The following PLXNA2 variants were observed in gnomAD, a reference collection of about 807,000 sequenced individuals.
PLXNA2 encodes the protein plexin A2.
Under a neutral mutation model 193.5 loss-of-function variants are expected in PLXNA2, and 91 were observed. The observed-to-expected ratio is 0.47, with a 90% CI of 0.40 to 0.56. The LOEUF (loss-of-function observed/expected upper bound fraction) is 0.56, where lower values mean the gene tolerates loss of function less well. Ranked by LOEUF, PLXNA2 falls within the 20% of genes least tolerant of loss-of-function variation. The pLI, the probability that PLXNA2 is intolerant of heterozygous loss-of-function variation, is 0.00. For synonymous variants in PLXNA2, 997 were observed against 1,027.3 expected (o/e 0.97, Z 0.56); for missense variants, 1,995 against 2,503.2 (o/e 0.80, Z 4.33).
chr1:208,149,535 G>A (rs1474080143), intron 3 of PLXNA2, among the ~76,000 whole-genome samples: 4 of 151,638 alleles, frequency 2.6e-5, no homozygotes, highest in African/African-American at 9.7e-5. Flanking sequence ...GTGTGTGTAT[G>A]CAGTATGTGT....
In PLXNA2 at chr1:208,043,098, G is replaced by A. The variant is rs995889959; in HGVS notation, c.3980C>T (p.Pro1327Leu). The A allele has an allele frequency of 4.3e-6, 7 of 1,613,938 alleles. No homozygotes were observed. Among genetic ancestry groups the A allele is most frequent in the African/African-American group, 1.3e-5 (1 of 74,934 alleles). Residue 1327 changes from proline to leucine, a missense_variant, in exon 21 of 32, where the codon CCG (proline) becomes CTG (leucine). Pro to Leu is a moderately conservative substitution (Grantham distance 98). Around this residue, in one of 3 missense-constraint regions of PLXNA2, gnomAD observed 1,291 missense variants for 1,673.6 expected, o/e 0.77. Transcript: ENST00000367033. ...YRTYAMRVLFPGIEDHPVLRE... is the reference protein window; with the variant it reads ...YRTYAMRVLFLGIEDHPVLRE... The stretch of plus-strand genomic sequence containing the variant: ...CAGGACGGGGTGGTCCTCGATGCCC[G>A]GGAACAGGACTCGCATAGCGTAGGT...
intron 12 of PLXNA2, among the ~76,000 whole-genome samples, chr1:208,062,385 C>T (rs898610874): frequency 2.0e-5 from 3 of 152,224 alleles, no homozygotes; most frequent in Non-Finnish European, 2.9e-5. Context: ...CAGCCACCAA[C>T]CACCAAGTGA....
intron 12 of PLXNA2, 76 bp downstream of exon 12, chr1:208,079,184 A>G: frequency 7.7e-7 from 1 of 1,300,458 alleles, no homozygotes; most frequent in Admixed American, 2.0e-5. Flanking sequence ...CAGAGTCTCA[A>G]TTTGCACTCC....
Position 208,027,007 on chromosome 1 carries a change from C to T in PLXNA2, c.*236G>A, listed in dbSNP as rs900571705. 2 of 438,008 alleles carry T rather than the reference C, an allele frequency of 4.6e-6. No homozygotes were observed. Among genetic ancestry groups the T allele is most frequent in the African/African-American group, 2.0e-5 (1 of 50,596 alleles). The allele number at this position is 438,008 out of a possible 1,614,324, so 27.1% of individuals were successfully genotyped here. ...TTGAAGAACCACCTTCTCCCGGCCC[C>T]GGGTTCTCTGGTGTTCTCACTGAGG... On this transcript the variant is annotated 3_prime_UTR_variant, in exon 32 of 32. Transcript: ENST00000367033.
chr1:208,208,373 C>T (rs146816981), intron 3 of PLXNA2, among the ~76,000 whole-genome samples: 40 of 152,310 alleles, frequency 2.6e-4, no homozygotes, highest in African/African-American at 7.5e-4. Context: ...GCAACTTGTC[C>T]TAGATCTCTA....
rs573091894 is a variant in PLXNA2 at position 208,041,422 on chromosome 1, G to A, written c.4286+676C>T. ...CTCCCCTGCCAGGAAAAATGCAGTG[G>A]GCATGTGTAGTGGATGCTGTGATTC... On this transcript the variant is annotated intron_variant, in intron 22 of 31. Transcript: ENST00000367033. Among the ~76,000 whole-genome samples, 17 of 152,320 alleles carry A rather than the reference G, an allele frequency of 1.1e-4. No homozygotes were observed. In the East Asian group the frequency reaches 3.3e-3, roughly 29 times the overall value.
intron 3 of PLXNA2, among the ~76,000 whole-genome samples, chr1:208,175,580 G>A (rs1296667048): frequency 2.0e-5 from 3 of 152,206 alleles, no homozygotes; most frequent in Admixed American, 6.5e-5. Context: ...CCTGTGTCCT[G>A]GACAGTCTAG....
intron 1 of PLXNA2, among the ~76,000 whole-genome samples, chr1:208,225,728 A>G (rs1054459161): frequency 1.1e-4 from 17 of 152,172 alleles, no homozygotes; most frequent in Admixed American, 2.6e-4. Context: ...CCTGAGACAG[A>G]CACTCACAGA....
intron 12 of PLXNA2, among the ~76,000 whole-genome samples, chr1:208,070,065 T>G (rs1665932753): frequency 6.6e-6 from 1 of 152,196 alleles, no homozygotes; most frequent in Non-Finnish European, 1.5e-5. Context: ...CCGCTGCTTT[T>G]TGCCTTACAC....
At chr1:208,052,512 G>C (rs1362193734) in intron 14 of PLXNA2, 49 bp from the exon 15 acceptor site, 10 of 1,591,588 alleles carry the variant, frequency 6.3e-6, no homozygotes, top group Non-Finnish European at 8.6e-6. Flanking sequence ...TTCTCCAAAA[G>C]GATGGACCAT....
At chr1:208,184,694 T>G (rs1669944680) in intron 3 of PLXNA2, among the ~76,000 whole-genome samples, 1 of 152,174 alleles carries the variant, frequency 6.6e-6, no homozygotes, top group African/African-American at 2.4e-5. Context: ...CCCTTGAGCC[T>G]GCGCTGCTTT....
At chr1:208,072,201 T>C (rs566703119) in intron 12 of PLXNA2, among the ~76,000 whole-genome samples, 1 of 152,338 alleles carries the variant, frequency 6.6e-6, no homozygotes, top group African/African-American at 2.4e-5. Flanking sequence ...TTATATTCCC[T>C]AAGCATGGAC....
At chr1:208,230,081 A>T (rs1485176917) in intron 1 of PLXNA2, 1 of 152,156 alleles carries the variant, frequency 6.6e-6, no homozygotes, top group Non-Finnish European at 1.5e-5. Context: ...GAGATAATGG[A>T]TGTGAAATTG....
intron 2 of PLXNA2, among the ~76,000 whole-genome samples, chr1:208,214,542 A>T (rs1671064332): frequency 6.6e-6 from 1 of 152,234 alleles, no homozygotes; most frequent in Non-Finnish European, 1.5e-5. Flanking sequence ...TCTTGCTTCA[A>T]GTACTGGTGC....
In PLXNA2 at chr1:208,028,690, G is replaced by A. The variant is rs560779140; in HGVS notation, c.5438+140C>T. Reference sequence around the variant, plus strand: ...CAAAGCCACCCTTCCTCCCGCAGCAGGGGGTGTGGCAGGGAGGGGAGTGGG... The same window carrying A: ...CAAAGCCACCCTTCCTCCCGCAGCAAGGGGTGTGGCAGGGAGGGGAGTGGG... On this transcript the variant is annotated intron_variant, in intron 30 of 31. Coordinates refer to ENST00000367033, the MANE Select transcript of PLXNA2 (RefSeq NM_025179.4). This position sits in a 1 kb window ranked among gnomAD's most constrained non-coding sequence, Gnocchi z 4.2. 10 of 708,780 alleles carry A rather than the reference G, an allele frequency of 1.4e-5. No homozygotes were observed. In the East Asian group the frequency reaches 2.4e-4, roughly 17 times the overall value. The allele number at this position is 708,780 out of a possible 1,614,324, so 43.9% of individuals were successfully genotyped here.
Position 208,217,823 on chromosome 1 carries a change from C to T in PLXNA2, c.100G>A (p.Gly34Ser), listed in dbSNP as rs1262943059. ...TGGAAGGTGCTGAACTGAGGCATGC[C>T]GGCTGCTGGGGGGGCCAGCAGCACC... ...VWVLLAPPAA[G>S]MPQFSTFHSE... The change falls in exon 2 of 32, where the codon GGC becomes AGC. Residue 34 changes from glycine to serine, a missense_variant. Around this residue, in one of 3 missense-constraint regions of PLXNA2, gnomAD observed 702 missense variants for 812.9 expected, o/e 0.86. Transcript: ENST00000367033. This position sits in a 1 kb window ranked among gnomAD's most constrained non-coding sequence, Gnocchi z 4.7. 26 of 1,613,978 alleles carry T rather than the reference C, an allele frequency of 1.6e-5. No individual in the cohort carries two copies. Among genetic ancestry groups the T allele is most frequent in the Middle Eastern group, 1.6e-4 (1 of 6,084 alleles).
chr1:208,185,012 G>A (rs746626690), intron 3 of PLXNA2, among the ~76,000 whole-genome samples: 1 of 152,188 alleles, frequency 6.6e-6, no homozygotes, highest in Non-Finnish European at 1.5e-5. Flanking sequence ...TAGGCATGGA[G>A]CACTCAGCCC....
intron 3 of PLXNA2, among the ~76,000 whole-genome samples, chr1:208,184,531 G>C (rs1669939667): frequency 6.6e-6 from 1 of 152,082 alleles, no homozygotes; most frequent in South Asian, 2.1e-4. Context: ...ACAGGGTTGG[G>C]TGTAGGCAGG....
At chr1:208,089,588 C>T (rs1666644187) in intron 9 of PLXNA2, among the ~76,000 whole-genome samples, 2 of 152,188 alleles carry the variant, frequency 1.3e-5, no homozygotes, top group Admixed American at 1.3e-4. Context: ...TCTATAAGTT[C>T]CCAGGTGATG....
Sources: gnomAD v4.1 joint callset for allele counts (sites outside exome capture counted in the v4.1 genomes callset) on GRCh38, gnomAD v4.1.1 for gene constraint, gnomAD v4.1.1 regional missense constraint, Gnocchi (gnomAD v3.1) non-coding constraint, MANE v1.5 for transcripts, NCBI Gene and HGNC (gene_info 2026-07-23, HGNC 2026-07-21) for gene names.